The following CPNE8 variants were observed in gnomAD, a reference collection of about 807,000 sequenced individuals.
CPNE8 encodes copine-8.
Under a neutral mutation model 81.5 loss-of-function variants are expected in CPNE8, and 45 were observed. That is an observed-to-expected ratio of 0.55 (90% confidence interval 0.44 to 0.71). The LOEUF (loss-of-function observed/expected upper bound fraction) is 0.71. CPNE8 is among the 30% of genes least tolerant of loss of function. CPNE8 has a pLI of 0.00. For missense variants in CPNE8, 594 were observed against 672.1 expected, an observed-to-expected ratio of 0.88 and a Z score of 1.28; for synonymous variants, 252 against 226.3, an observed-to-expected ratio of 1.11 and a Z score of -1.02.
At chr12:38,727,460 C>T (rs1385285086) in intron 11 of CPNE8, among the ~76,000 whole-genome samples, 1 of 152,114 alleles carries the variant, frequency 6.6e-6, no homozygotes, top group African/African-American at 2.4e-5. Context: ...TTAGTATTTA[C>T]AATTAACATG....
intron 7 of CPNE8, among the ~76,000 whole-genome samples, chr12:38,772,956 A>C (rs1941837855): frequency 6.6e-6 from 1 of 151,776 alleles, no homozygotes; most frequent in Non-Finnish European, 1.5e-5. Flanking sequence ...TATATATGTA[A>C]AACAATGGAA....
At chr12:38,775,235 C>T (rs1478068938) in intron 7 of CPNE8, among the ~76,000 whole-genome samples, 1 of 152,160 alleles carries the variant, frequency 6.6e-6, no homozygotes, top group Non-Finnish European at 1.5e-5. Context: ...GATCCTCCCA[C>T]CTTGGCCTCC....
At chr12:38,760,084 A>T (rs1029066452) in intron 10 of CPNE8, among the ~76,000 whole-genome samples, 5 of 152,132 alleles carry the variant, frequency 3.3e-5, no homozygotes, top group African/African-American at 1.2e-4. Context: ...TAGGACACAC[A>T]TCGACTGAAA....
At chr12:38,889,705 T>C (rs1251461393) in intron 1 of CPNE8, among the ~76,000 whole-genome samples, 1 of 152,022 alleles carries the variant, frequency 6.6e-6, no homozygotes, top group Non-Finnish European at 1.5e-5. Flanking sequence ...TGGCCAGAGA[T>C]TGTGAGGTTG....
chr12:38,905,628 G>C (rs951322915), upstream of CPNE8: 1 of 1,514,920 alleles, frequency 6.6e-7, no homozygotes, highest in East Asian at 2.5e-5. Context: ...TGGGGGTTGA[G>C]GGTGGAGGCA....
At position 38,815,632 on chromosome 12, in the gene CPNE8, C is replaced by A. The variant is rs371188496; in HGVS notation, c.407+13747G>T. ...ACACACTATGCTCACTGTTAAAATA[C>A]ATCATATGCCAGAAACTAAAATTGC... is the stretch of plus-strand genomic sequence containing the variant. On this transcript the variant is annotated intron_variant, in intron 6 of 19. Transcript: ENST00000331366. Among the ~76,000 whole-genome samples, 10 of 152,264 alleles carry A rather than the reference C, an allele frequency of 6.6e-5. No individual in the cohort carries two copies. In the East Asian group the frequency reaches 9.7e-4, roughly 15 times the overall value.
At chr12:38,705,910 T>G (rs1940095953) in intron 13 of CPNE8, among the ~76,000 whole-genome samples, 1 of 152,060 alleles carries the variant, frequency 6.6e-6, no homozygotes, top group South Asian at 2.1e-4. Context: ...ACATAATATA[T>G]ATATACATAT....
chr12:38,807,936 G>A (rs1425403395), intron 6 of CPNE8, among the ~76,000 whole-genome samples: 2 of 151,502 alleles, frequency 1.3e-5, no homozygotes, highest in East Asian at 1.9e-4. Flanking sequence ...TCAAAAAGTG[G>A]GCAAAGGATA....
At chr12:38,906,193 G>C, upstream of CPNE8, 3 of 985,550 alleles carry the variant, frequency 3.0e-6, no homozygotes, top group East Asian at 1.1e-4. Flanking sequence ...CTGTGCCCTC[G>C]GGCAGATGAG....
intron 6 of CPNE8, among the ~76,000 whole-genome samples, chr12:38,797,009 T>G (rs1942497665): frequency 6.6e-6 from 1 of 152,126 alleles, no homozygotes; most frequent in Non-Finnish European, 1.5e-5. Flanking sequence ...TGCCCGCCAT[T>G]GCCCAGGCTT....
chr12:38,695,457 G>A (rs566938957), intron 14 of CPNE8, among the ~76,000 whole-genome samples: 2 of 152,134 alleles, frequency 1.3e-5, no homozygotes, highest in Non-Finnish European at 2.9e-5. Context: ...TTTTGTTTTG[G>A]AGTAGTTGAG....
intron 6 of CPNE8, among the ~76,000 whole-genome samples, chr12:38,814,309 CTTTTTTT>C (rs61444154): frequency 0.021 from 1,048 of 49,188 alleles, 21 homozygotes; most frequent in African/African-American, 0.082. Flanking sequence ...CCAGACCTGG[CTTTTTTT>C]TTTTTTTTTT....
chr12:38,716,535 T>C (rs767537763), intron 13 of CPNE8, among the ~76,000 whole-genome samples: 5 of 151,880 alleles, frequency 3.3e-5, no homozygotes, highest in African/African-American at 7.2e-5. Context: ...AAATAAAAAC[T>C]GGGGAAAGAA....
intron 3 of CPNE8, among the ~76,000 whole-genome samples, chr12:38,865,864 A>T (rs923087921): frequency 6.6e-6 from 1 of 152,228 alleles, no homozygotes; most frequent in Admixed American, 6.5e-5. Flanking sequence ...ATACTTGTTC[A>T]ATTGAACACA....
intron 6 of CPNE8, among the ~76,000 whole-genome samples, chr12:38,805,917 G>C (rs1350552587): frequency 6.7e-6 from 1 of 149,090 alleles, no homozygotes; most frequent in Non-Finnish European, 1.5e-5. Flanking sequence ...ATGATAAAGG[G>C]GATATCACCA....
chr12:38,797,699 G>C (rs1190187934), intron 6 of CPNE8, among the ~76,000 whole-genome samples: 1 of 152,184 alleles, frequency 6.6e-6, no homozygotes, highest in Non-Finnish European at 1.5e-5. Context: ...GCTGGACGGA[G>C]AATGACTTTG....
rs191081115 is a variant in CPNE8, at chr12:38,776,556, C to T, written c.408-255G>A. On this transcript the variant is annotated intron_variant, in intron 6 of 19. Coordinates refer to ENST00000331366, the MANE Select transcript of CPNE8 (RefSeq NM_153634.3). Reference sequence around the variant, plus strand: ...AACTCCTGACCTCCAGTGATCCGCTCCCCTCGGCCTCCCAAAGTGCCGGTA... The same window carrying T: ...AACTCCTGACCTCCAGTGATCCGCTTCCCTCGGCCTCCCAAAGTGCCGGTA... 4.9e-3 allele frequency among the ~76,000 whole-genome samples: 743 copies of T among 151,984 alleles called. 5 individuals carry two copies. Among genetic ancestry groups the T allele is most frequent in the African/African-American group, 0.017 (692 of 41,482 alleles).
intron 10 of CPNE8, among the ~76,000 whole-genome samples, chr12:38,755,762 C>T (rs1030787002): frequency 5.3e-5 from 8 of 152,036 alleles, no homozygotes; most frequent in African/African-American, 1.9e-4. Context: ...AGGTAACGGC[C>T]GGGCGCGGTG....
chr12:38,671,569 G>A (rs2136644298), intron 18 of CPNE8, among the ~76,000 whole-genome samples: 1 of 152,182 alleles, frequency 6.6e-6, no homozygotes, highest in Non-Finnish European at 1.5e-5. Context: ...TTAATTACAT[G>A]AGGAATGCTA....
Sources: gnomAD v4.1 joint callset for allele counts (sites outside exome capture counted in the v4.1 genomes callset) on GRCh38, gnomAD v4.1.1 for gene constraint, MANE v1.5 for transcripts, NCBI Gene and HGNC (gene_info 2026-07-23, HGNC 2026-07-21) for gene names.